Variants in FZD3 observed in about 807,000 individuals in gnomAD.
FZD3 encodes frizzled-3.
A neutral mutation model predicts 60.7 loss-of-function variants in FZD3; 30 were observed. The ratio of observed to expected loss-of-function variants is 0.49; its 90% CI spans 0.37 to 0.67. The LOEUF (loss-of-function observed/expected upper bound fraction) is 0.67. Among genes scored for constraint, FZD3 ranks in the 30% least tolerant of loss-of-function variants. The probability of loss-of-function intolerance (pLI) is 0.00; values close to 1 mark genes in which losing one functional copy is unlikely to be tolerated. For synonymous variants in FZD3, 246 were observed against 275.2 expected (o/e 0.89, Z 1.05); for missense variants, 605 against 838.7 (o/e 0.72, Z 3.44).
chr8:28,529,921 T>C (rs1029959289), intron 5 of FZD3, among the ~76,000 whole-genome samples: 1 of 152,176 alleles, frequency 6.6e-6, no homozygotes, highest in Non-Finnish European at 1.5e-5. Flanking sequence ...TAAATTATTA[T>C]TTTAGGGCTA....
chr8:28,531,050 A>G (rs1438688582), intron 5 of FZD3, among the ~76,000 whole-genome samples: 1 of 152,170 alleles, frequency 6.6e-6, no homozygotes. Flanking sequence ...TGGCATATGT[A>G]TCTGTATCTG....
At chr8:28,559,349 A>G (rs1360396898) in intron 7 of FZD3, among the ~76,000 whole-genome samples, 1 of 152,224 alleles carries the variant, frequency 6.6e-6, no homozygotes. Context: ...CATATGAGTC[A>G]GAGAAATTGC....
At chr8:28,516,619 T>C (rs1372423869) in intron 3 of FZD3, among the ~76,000 whole-genome samples, 1 of 152,204 alleles carries the variant, frequency 6.6e-6, no homozygotes, top group African/African-American at 2.4e-5. Flanking sequence ...GATAAATTTA[T>C]TCCTATTTAT....
chr8:28,527,094 G>C lies in FZD3; in HGVS notation c.387-53G>C. On this transcript the variant is annotated intron_variant, in intron 4 of 7. Coordinates refer to ENST00000240093, the MANE Select transcript of FZD3 (RefSeq NM_017412.4). This position sits in a 1 kb window ranked among gnomAD's most constrained non-coding sequence, Gnocchi z 5.0. ...ATTTGGAAATCCAAACTGTTAGATC[G>C]TGATAGATTTCCCCATAAGTAAAAA... The C allele has an allele frequency of 6.9e-7, 1 of 1,451,892 alleles. No individual in the cohort carries two copies. The highest frequency in any genetic ancestry group is 1.3e-5 in the South Asian group (1 of 76,348). 89.9% of individuals were successfully genotyped at this position (1,451,892 alleles called of 1,614,324 possible). A position where few individuals can be genotyped will look rare whatever the true frequency, so the allele number is the denominator to read the frequency against.
chr8:28,544,056 T>C (rs1805238419), intron 5 of FZD3, among the ~76,000 whole-genome samples: 1 of 151,792 alleles, frequency 6.6e-6, no homozygotes, highest in Non-Finnish European at 1.5e-5. Context: ...ACCCAAATTT[T>C]ATTTTACCGC....
intron 7 of FZD3, among the ~76,000 whole-genome samples, chr8:28,560,633 A>G (rs551889295): frequency 2.0e-5 from 3 of 152,300 alleles, no homozygotes; most frequent in Non-Finnish European, 4.4e-5. Flanking sequence ...TTTTTAAAAG[A>G]TAACTTTATA....
rs1805713598 is a variant in FZD3, at chr8:28,566,823, T to C, written c.*3812T>C. Reference sequence around the variant, plus strand: ...GGGATTGGAATTTTAAGACTCATGATGTCAACTGGGCTGGTCATTTTATTT... The same window carrying C: ...GGGATTGGAATTTTAAGACTCATGACGTCAACTGGGCTGGTCATTTTATTT... On this transcript the variant is annotated 3_prime_UTR_variant, in exon 8 of 8. Coordinates refer to ENST00000240093, the MANE Select transcript of FZD3 (RefSeq NM_017412.4). 6.6e-6 allele frequency: 1 copy of C among 152,208 alleles called. No individual in the cohort carries two copies. Among genetic ancestry groups the C allele is most frequent in the Non-Finnish European group, 1.5e-5 (1 of 68,026 alleles). The allele number at this position is 152,208 out of a possible 1,614,324, so 9.4% of individuals were successfully genotyped here. A position where few individuals can be genotyped will look rare whatever the true frequency, so the allele number is the denominator to read the frequency against.
chr8:28,531,076 A>G (rs1804862019), intron 5 of FZD3, among the ~76,000 whole-genome samples: 1 of 152,146 alleles, frequency 6.6e-6, no homozygotes, highest in South Asian at 2.1e-4. Flanking sequence ...GTACCTATGT[A>G]TCTAATATTA....
rs961528450 is a variant in FZD3, at chr8:28,564,313, T to C, written c.*1302T>C. 2 of 152,078 alleles carry C rather than the reference T, an allele frequency of 1.3e-5. No homozygotes were observed. The highest frequency in any genetic ancestry group is 1.3e-4 in the Admixed American group (2 of 15,256). 9.4% of individuals were successfully genotyped at this position (152,078 alleles called of 1,614,324 possible). A position where few individuals can be genotyped will look rare whatever the true frequency, so the allele number is the denominator to read the frequency against. On this transcript the variant is annotated 3_prime_UTR_variant, in exon 8 of 8. Coordinates refer to ENST00000240093, the MANE Select transcript of FZD3 (RefSeq NM_017412.4). The stretch of plus-strand genomic sequence containing the variant: ...GAAGAGAAAGAAAAATGCTGGAACA[T>C]GCTTGATGTATTATGTAAAAAGCAT...
intron 5 of FZD3, among the ~76,000 whole-genome samples, chr8:28,542,791 A>T (rs2130435237): frequency 6.6e-6 from 1 of 152,184 alleles, no homozygotes; most frequent in African/African-American, 2.4e-5. Flanking sequence ...CTGCACCCTT[A>T]CCCTGCTCTA....
chr8:28,540,185 CT>C (rs1220009075), intron 5 of FZD3, among the ~76,000 whole-genome samples: 2 of 152,144 alleles, frequency 1.3e-5, no homozygotes, highest in African/African-American at 4.8e-5. Flanking sequence ...TGATGTCTCC[CT>C]TTTTTGCCAG....
At chr8:28,544,771 T>G (rs751172426) in intron 5 of FZD3, among the ~76,000 whole-genome samples, 2 of 152,184 alleles carry the variant, frequency 1.3e-5, no homozygotes, top group Non-Finnish European at 2.9e-5. Flanking sequence ...TCCCTATGTG[T>G]CTAGTCTGTT....
rs1213386799 is a variant in FZD3 at position 28,564,989 on chromosome 8, T to A, written c.*1978T>A. On this transcript the variant is annotated 3_prime_UTR_variant, in exon 8 of 8. Coordinates refer to ENST00000240093, the MANE Select transcript of FZD3 (RefSeq NM_017412.4). ...TGATAAGGGATTAGGTTATTGTGGA[T>A]TTAAGAGGTGTGAGGACTGCTATAG... is the stretch of plus-strand genomic sequence containing the variant. The A allele has an allele frequency of 1.3e-5, 2 of 152,162 alleles. No homozygotes were observed. The highest frequency in any genetic ancestry group is 1.3e-4 in the Admixed American group (2 of 15,272). 9.4% of individuals were successfully genotyped at this position (152,162 alleles called of 1,614,324 possible). A position where few individuals can be genotyped will look rare whatever the true frequency, so the allele number is the denominator to read the frequency against.
intron 7 of FZD3, 99 bp downstream of exon 7, chr8:28,556,070 A>G: frequency 1.3e-6 from 1 of 788,760 alleles, no homozygotes; most frequent in Non-Finnish European, 2.1e-6. Flanking sequence ...AGTCGAACAT[A>G]ATTAAGCCTT....
chr8:28,563,183 A>T lies in FZD3; in HGVS notation c.*172A>T. Reference sequence around the variant, plus strand: ...TTTTATATTGCATCAAACTTGGAACATCAAGGCATCCAAAACACTAAGAAT... The same window carrying T: ...TTTTATATTGCATCAAACTTGGAACTTCAAGGCATCCAAAACACTAAGAAT... On this transcript the variant is annotated 3_prime_UTR_variant, in exon 8 of 8. Transcript: ENST00000240093. 1.4e-5 allele frequency: 8 copies of T among 586,102 alleles called. No homozygotes were observed. The highest frequency in any genetic ancestry group is 2.5e-5 in the Non-Finnish European group (8 of 325,302). The allele number at this position is 586,102 out of a possible 1,614,324, so 36.3% of individuals were successfully genotyped here.
chr8:28,516,436 A>T (rs1225139063), intron 3 of FZD3, among the ~76,000 whole-genome samples: 1 of 152,198 alleles, frequency 6.6e-6, no homozygotes, highest in Non-Finnish European at 1.5e-5. Flanking sequence ...GCAACAACAG[A>T]AGGCCGTTGG....
chr8:28,534,608 C>G (rs1804963686), intron 5 of FZD3, among the ~76,000 whole-genome samples: 1 of 152,154 alleles, frequency 6.6e-6, no homozygotes. Context: ...TAAACAATAA[C>G]TCCCCATTCT....
Position 28,503,075 on chromosome 8 carries a change from G to T in FZD3, c.62G>T (p.Gly21Val). The T allele has an allele frequency of 6.2e-7, 1 of 1,613,722 alleles. No homozygotes were observed. Among genetic ancestry groups the T allele is most frequent in the South Asian group, 1.1e-5 (1 of 91,064 alleles). ...TTGACTGTGTTCATGGGGCATATAGGTGGGCACAGTTTGTTTTCTTGTGAA... is the reference window on the plus strand; with the variant it reads ...TTGACTGTGTTCATGGGGCATATAGTTGGGCACAGTTTGTTTTCTTGTGAA... ...WPLTVFMGHI[G>V]GHSLFSCEPI... Residue 21 changes from glycine (G) to valine (V), a missense_variant, in exon 3 of 8, where the codon GGT becomes GTT. Physicochemically the swap from Gly to Val is moderately radical, Grantham distance 109 (BLOSUM62 -3). Transcript: ENST00000240093.
At position 28,571,288 on chromosome 8, in the gene FZD3, T is replaced by C. The variant is rs1805803485; in HGVS notation, c.*8277T>C. On this transcript the variant is annotated 3_prime_UTR_variant, in exon 8 of 8. Transcript: ENST00000240093. ...ATTAACAAATGTCTTCCTTTATCCC[T>C]GCCTCAGATAATTTTTCCCTGAACT... 1 of 152,208 alleles carries C rather than the reference T, an allele frequency of 6.6e-6. No individual in the cohort carries two copies. The highest frequency in any genetic ancestry group is 2.1e-4 in the South Asian group (1 of 4,826). The allele number at this position is 152,208 out of a possible 1,614,324, so 9.4% of individuals were successfully genotyped here.
Sources: gnomAD v4.1 joint callset for allele counts (sites outside exome capture counted in the v4.1 genomes callset) on GRCh38, gnomAD v4.1.1 for gene constraint, Gnocchi (gnomAD v3.1) non-coding constraint, MANE v1.5 for transcripts, NCBI Gene and HGNC (gene_info 2026-07-23, HGNC 2026-07-21) for gene names.